ATP9B: variants seen among roughly 807,000 people sequenced by gnomAD.
ATP9B encodes probable phospholipid-transporting ATPase IIB.
Under a neutral mutation model 146.1 loss-of-function variants are expected in ATP9B, and 110 were observed. The observed-to-expected ratio is 0.75, with a 90% CI of 0.65 to 0.88. The LOEUF is 0.88. ATP9B is among the 40% of genes least tolerant of loss of function. ATP9B has a pLI of 0.00. For missense variants in ATP9B, 1,499 were observed against 1,496.4 expected, an observed-to-expected ratio of 1.00 and a Z score of -0.03; for synonymous variants, 604 against 569.7, an observed-to-expected ratio of 1.06 and a Z score of -0.86.
chr18:79,284,241 A>G (rs546650408), intron 13 of ATP9B, among the ~76,000 whole-genome samples: 3 of 152,226 alleles, frequency 2.0e-5, no homozygotes, highest in South Asian at 2.1e-4. Context: ...TCTCTTATGC[A>G]TGATGCTAAT....
chr18:79,347,959 G>T (rs770303757), intron 24 of ATP9B, 34 bp downstream of exon 24: 2 of 1,607,376 alleles, frequency 1.2e-6, no homozygotes, highest in South Asian at 2.2e-5. Context: ...CCCATGGAGG[G>T]CAGGGTCCAG....
At chr18:79,366,165 G>A (rs1270667543) in intron 26 of ATP9B, among the ~76,000 whole-genome samples, 5 of 152,212 alleles carry the variant, frequency 3.3e-5, no homozygotes, top group Non-Finnish European at 2.9e-5. Context: ...GTCCGTGGTC[G>A]CTAAAGGTTT....
rs768374404 is a variant in ATP9B, at chr18:79,303,675, A to T, written c.1483A>T (p.Met495Leu). 6 of 1,613,962 alleles carry T rather than the reference A, an allele frequency of 3.7e-6. No individual in the cohort carries two copies. The South Asian group carries it at 5.5e-5, about 15-fold the overall frequency. The change falls in exon 14 of 30, where the codon ATG (methionine) becomes TTG (leucine). Residue 495 changes from methionine to leucine, a missense_variant. By Grantham distance (15) the Met-to-Leu change is conservative. Transcript: ENST00000426216. ...CACCGTGTCCTATGGCGCCGACACG[A>T]TGGATGAGATCCAGAGCCATGTCAG... ...LGTVSYGADT[M>L]DEIQSHVRDS... is the part of the protein sequence containing the mutation.
intron 6 of ATP9B, among the ~76,000 whole-genome samples, chr18:79,151,732 T>G (rs538731079): frequency 6.6e-5 from 10 of 152,328 alleles, no homozygotes; most frequent in South Asian, 6.2e-4. Flanking sequence ...GAAGTGTTTT[T>G]TTTTTTTTTT....
At chr18:79,327,297 G>A (rs1321198793) in intron 15 of ATP9B, among the ~76,000 whole-genome samples, 1 of 152,224 alleles carries the variant, frequency 6.6e-6, no homozygotes, top group Non-Finnish European at 1.5e-5. Context: ...GGTTTAAGAA[G>A]AGGACTCACC....
rs115794680 is a variant in ATP9B at position 79,339,440 on chromosome 18, G to A, written c.2283+1991G>A. The stretch of plus-strand genomic sequence containing the variant: ...TCATCGCAGTAGGAAGTATGTCATC[G>A]CAGTAGGAAGTATGTCATGATCACA... On this transcript the variant is annotated intron_variant, in intron 19 of 29. Transcript: ENST00000426216. 9.5e-3 allele frequency among the ~76,000 whole-genome samples: 1,388 copies of A among 146,606 alleles called. 6 individuals are homozygous for A. The highest frequency in any genetic ancestry group is 0.023 in the African/African-American group (910 of 39,432).
At chr18:79,177,311 C>A (rs2095187189) in intron 8 of ATP9B, among the ~76,000 whole-genome samples, 1 of 152,168 alleles carries the variant, frequency 6.6e-6, no homozygotes. Context: ...TCATAGCTCA[C>A]TGCAGCCTCA....
In ATP9B at chr18:79,245,667, GTGACTGTGCGGAGGGCACCGCCCTAC is replaced by G. The variant is rs1283693971; in HGVS notation, c.1108-7698_1108-7673del. On this transcript the variant is annotated intron_variant, in intron 11 of 29. Transcript: ENST00000426216. The stretch of plus-strand genomic sequence containing the variant: ...ACTGACTGAGGAGGGTACCGCCCTA[GTGACTGTGCGGAGGGCACCGCCCTAC>G]TGACTGTGCGGAGGGTACCGCCCTA... 1.9e-3 allele frequency among the ~76,000 whole-genome samples: 218 copies of G among 116,664 alleles called. 9 individuals carry two copies. The highest frequency in any genetic ancestry group is 5.2e-4 in the Non-Finnish European group (30 of 57,824). The allele number at this position is 116,664 out of a possible 152,430, so 76.5% of individuals were successfully genotyped here.
In ATP9B at chr18:79,136,933, A is replaced by G. The variant is rs528743173; in HGVS notation, c.668-6869A>G. ...AAGGGGAAAAGCCACTTACAAAACC[A>G]TTAGAACGCACTCACTATCACAAGG... On this transcript the variant is annotated intron_variant, in intron 5 of 29. Coordinates refer to ENST00000426216, the MANE Select transcript of ATP9B (RefSeq NM_198531.5). Among the ~76,000 whole-genome samples the G allele has an allele frequency of 2.8e-4, 43 of 152,314 alleles. 1 individual carries two copies. The East Asian group carries it at 7.7e-3, about 27-fold the overall frequency.
chr18:79,375,394 G>T lies in ATP9B; in HGVS notation c.3275G>T (p.Gly1092Val). Residue 1092 changes from glycine to valine, a missense_variant and splice_region_variant, in exon 29 of 30, where the codon GGT (glycine) becomes GTT (valine). By Grantham distance (109) the Gly-to-Val change is moderately radical. Transcript: ENST00000426216. ...SSLAFLNEYF[G>V]IGRVSFGAFL... Reference sequence around the variant, plus strand: ...TTTCTTTATTACTGTTTTGGAACAGGTATAGGCAGAGTGTCTTTTGGAGCT... The same window carrying T: ...TTTCTTTATTACTGTTTTGGAACAGTTATAGGCAGAGTGTCTTTTGGAGCT... 4 of 1,611,912 alleles carry T rather than the reference G, an allele frequency of 2.5e-6. No homozygotes were observed. The highest frequency in any genetic ancestry group is 3.4e-6 in the Non-Finnish European group (4 of 1,178,058).
rs1238474736 is a variant in ATP9B at position 79,084,160 on chromosome 18, T to G, written c.120-12316T>G. ...GCGTGAGCCACTGCGCCTGGCTCAG[T>G]TTTTTTTTTTGGAATATTCATAGAT... On this transcript the variant is annotated intron_variant, in intron 1 of 29. Transcript: ENST00000426216. Among the ~76,000 whole-genome samples, 13 of 110,326 alleles carry G rather than the reference T, an allele frequency of 1.2e-4. No homozygotes were observed. The East Asian group carries it at 2.7e-3, about 23-fold the overall frequency. 72.4% of individuals were successfully genotyped at this position (110,326 alleles called of 152,430 possible). A position where few individuals can be genotyped will look rare whatever the true frequency, so the allele number is the denominator to read the frequency against.
rs577286328 is a variant in ATP9B at position 79,158,526 on chromosome 18, C to T, written c.778+3971C>T. 3.3e-5 allele frequency among the ~76,000 whole-genome samples: 5 copies of T among 152,290 alleles called. No individual in the cohort carries two copies. In the East Asian group the frequency reaches 9.7e-4, roughly 29 times the overall value. ...CAGGCTGGTCTTGACCACCTGGCCT[C>T]ACGTGATCCTCCCACCTTAGCCTCC... On this transcript the variant is annotated intron_variant, in intron 7 of 29. Coordinates refer to ENST00000426216, the MANE Select transcript of ATP9B (RefSeq NM_198531.5).
At chr18:79,221,653 A>G (rs2148490020) in intron 11 of ATP9B, among the ~76,000 whole-genome samples, 1 of 152,276 alleles carries the variant, frequency 6.6e-6, no homozygotes, top group African/African-American at 2.4e-5. Context: ...CCCAGGAGGC[A>G]TAGCTTGCAG....
intron 13 of ATP9B, among the ~76,000 whole-genome samples, chr18:79,295,111 GAC>G (rs10537302): frequency 0.91 from 137,374 of 151,546 alleles, 62,342 homozygotes; most frequent in East Asian, 1. Flanking sequence ...CACAGACACA[GAC>G]ACACACACAC....
rs749548296 is a variant in ATP9B at position 79,334,090 on chromosome 18, G to T, written c.2029-2538G>T. 3.3e-5 allele frequency among the ~76,000 whole-genome samples: 5 copies of T among 152,156 alleles called. 1 individual carries two copies. The highest frequency in any genetic ancestry group is 4.8e-5 in the African/African-American group (2 of 41,436). ...TGAAACTGCTAGGCTGGGCGCGGTG[G>T]CTCACGCCTGTAATCCCAGCACTTT... On this transcript the variant is annotated intron_variant, in intron 17 of 29. Transcript: ENST00000426216.
At chr18:79,137,481 A>G (rs1049433912) in intron 5 of ATP9B, among the ~76,000 whole-genome samples, 7 of 152,164 alleles carry the variant, frequency 4.6e-5, no homozygotes, top group Non-Finnish European at 5.9e-5. Flanking sequence ...GATCTGGGGC[A>G]TGCTCCATGG....
At chr18:79,313,322 G>A (rs8086838) in intron 15 of ATP9B, among the ~76,000 whole-genome samples, 63,756 of 152,022 alleles carry the variant, frequency 0.42, 13,559 homozygotes, top group Middle Eastern at 0.55. Context: ...TGTCTTCTTA[G>A]CATTCTAGTG....
At chr18:79,294,658 C>T (rs1011815804) in intron 13 of ATP9B, among the ~76,000 whole-genome samples, 1 of 152,220 alleles carries the variant, frequency 6.6e-6, no homozygotes, top group East Asian at 1.9e-4. Context: ...ACACGAGACA[C>T]CTGGAAATTA....
intron 4 of ATP9B, among the ~76,000 whole-genome samples, chr18:79,125,069 T>A (rs117765594): frequency 0.072 from 11,020 of 152,284 alleles, 534 homozygotes; most frequent in Middle Eastern, 0.11. Context: ...TGAGATGGTC[T>A]GCCTTACTTG....
Sources: gnomAD v4.1 joint callset for allele counts (sites outside exome capture counted in the v4.1 genomes callset) on GRCh38, gnomAD v4.1.1 for gene constraint, MANE v1.5 for transcripts, NCBI Gene and HGNC (gene_info 2026-07-23, HGNC 2026-07-21) for gene names.